The following TOX3 variants were observed in gnomAD, a reference collection of about 807,000 sequenced individuals.
The protein encoded by TOX3 is TOX high mobility group box family member 3, also known as CAG trinucleotide repeat-containing gene F9 protein.
In TOX3, 22 loss-of-function variants were observed where a neutral mutation model predicts 64.3. The ratio of observed to expected loss-of-function variants is 0.34; its 90% CI spans 0.24 to 0.49. The LOEUF is 0.49. TOX3 is among the 20% of genes least tolerant of loss of function. TOX3 has a pLI of 0.99. For missense variants in TOX3, 661 were observed against 714.4 expected (o/e 0.93, Z 0.85); for synonymous variants, 291 against 273.6 (o/e 1.06, Z -0.63).
chr16:52,528,416 T>A (rs1962773513), intron 1 of TOX3, among the ~76,000 whole-genome samples: 1 of 152,004 alleles, frequency 6.6e-6, no homozygotes, highest in Non-Finnish European at 1.5e-5. Context: ...CTGTTTTTTT[T>A]TTCACCACCA....
intron 1 of TOX3, among the ~76,000 whole-genome samples, chr16:52,470,985 A>G (rs1961025841): frequency 6.6e-6 from 1 of 152,162 alleles, no homozygotes. Flanking sequence ...GGCTTTAAAT[A>G]TTGACTTGTT....
chr16:52,490,865 G>T (rs1357932774), intron 1 of TOX3, among the ~76,000 whole-genome samples: 2 of 151,886 alleles, frequency 1.3e-5, no homozygotes, highest in Non-Finnish European at 2.9e-5. Flanking sequence ...CTGGGCTCAA[G>T]CGATCCACCC....
chr16:52,484,596 G>T (rs1390602584), intron 1 of TOX3, among the ~76,000 whole-genome samples: 1 of 151,928 alleles, frequency 6.6e-6, no homozygotes, highest in African/African-American at 2.4e-5. Flanking sequence ...AATATATTCT[G>T]ATTAACTCCT....
chr16:52,477,860 C>T (rs1293156673), intron 1 of TOX3, among the ~76,000 whole-genome samples: 1 of 152,098 alleles, frequency 6.6e-6, no homozygotes, highest in Non-Finnish European at 1.5e-5. Flanking sequence ...TTTTAAGAGA[C>T]AGAGTCTTGC....
At chr16:52,527,333 G>A (rs919963573) in intron 1 of TOX3, among the ~76,000 whole-genome samples, 4 of 152,028 alleles carry the variant, frequency 2.6e-5, no homozygotes, top group African/African-American at 7.2e-5. Flanking sequence ...TAATATCATC[G>A]TTGCACAGAA....
chr16:52,470,590 A>C (rs1248515477), intron 1 of TOX3, among the ~76,000 whole-genome samples: 1 of 152,274 alleles, frequency 6.6e-6, no homozygotes, highest in Admixed American at 6.5e-5. Flanking sequence ...TCTTCTGAAC[A>C]GTTAGTATGC....
chr16:52,508,359 T>C (rs1220156209), intron 1 of TOX3, among the ~76,000 whole-genome samples: 1 of 152,124 alleles, frequency 6.6e-6, no homozygotes, highest in Non-Finnish European at 1.5e-5. Context: ...ACAGCGTGCA[T>C]ACACAAGGGT....
At chr16:52,508,452 G>A (rs912385320) in intron 1 of TOX3, among the ~76,000 whole-genome samples, 3 of 152,160 alleles carry the variant, frequency 2.0e-5, no homozygotes, top group African/African-American at 7.2e-5. Context: ...ATGGAATACT[G>A]TACAGTGGCA....
At chr16:52,466,056 G>A (rs545343114) in intron 2 of TOX3, among the ~76,000 whole-genome samples, 10 of 152,222 alleles carry the variant, frequency 6.6e-5, no homozygotes, top group South Asian at 6.2e-4. Context: ...TGCATTTGCC[G>A]TTATTTTGGC....
chr16:52,485,129 A>G (rs1434621874), intron 1 of TOX3, among the ~76,000 whole-genome samples: 2 of 129,552 alleles, frequency 1.5e-5, no homozygotes, highest in Non-Finnish European at 3.2e-5. Flanking sequence ...ATGTGTGTGT[A>G]TACATATGTG....
chr16:52,463,333 G>A (rs573558260), intron 3 of TOX3, among the ~76,000 whole-genome samples: 86 of 152,142 alleles, frequency 5.7e-4, no homozygotes, highest in Non-Finnish European at 1.1e-3. Context: ...AAGAAAAATA[G>A]AACCAAAATT....
intron 1 of TOX3, among the ~76,000 whole-genome samples, chr16:52,485,742 A>T (rs1038557409): frequency 3.3e-5 from 5 of 152,172 alleles, no homozygotes; most frequent in African/African-American, 4.8e-5. Flanking sequence ...CTCAGACCAG[A>T]TGAGAGATGA....
intron 3 of TOX3, among the ~76,000 whole-genome samples, chr16:52,452,959 A>G (rs1392547081): frequency 6.6e-6 from 1 of 152,110 alleles, no homozygotes; most frequent in Non-Finnish European, 1.5e-5. Context: ...GTGTCTTTCT[A>G]CAGATTGTGT....
chr16:52,464,563 A>G (rs1170404106), intron 2 of TOX3, among the ~76,000 whole-genome samples: 3 of 152,210 alleles, frequency 2.0e-5, no homozygotes, highest in African/African-American at 7.2e-5. Context: ...AATGCTGATG[A>G]TTTTGTGGCA....
intron 6 of TOX3, among the ~76,000 whole-genome samples, chr16:52,440,178 C>CT (rs1272391327): frequency 2.0e-5 from 3 of 152,046 alleles, no homozygotes; most frequent in Non-Finnish European, 4.4e-5. Flanking sequence ...GCTCTTGTGC[C>CT]TTTGCTTTGG....
intron 1 of TOX3, among the ~76,000 whole-genome samples, chr16:52,528,483 G>A (rs1962774716): frequency 6.6e-6 from 1 of 152,012 alleles, no homozygotes; most frequent in African/African-American, 2.4e-5. Context: ...ATGCTGAGAG[G>A]CTCAGGAACA....
At chr16:52,451,218 C>T (rs1242325789) in intron 3 of TOX3, among the ~76,000 whole-genome samples, 1 of 152,192 alleles carries the variant, frequency 6.6e-6, no homozygotes, top group African/African-American at 2.4e-5. Context: ...GGAAGTCATT[C>T]AATGTCTTTT....
intron 6 of TOX3, among the ~76,000 whole-genome samples, chr16:52,440,290 C>G (rs897289688): frequency 3.3e-5 from 5 of 152,162 alleles, no homozygotes; most frequent in African/African-American, 1.2e-4. Flanking sequence ...CCAATTACCC[C>G]CCTCAAGAGT....
upstream of TOX3, chr16:52,547,567 C>T (rs900398927): frequency 1.3e-5 from 2 of 152,456 alleles, no homozygotes; most frequent in African/African-American, 4.8e-5. Context: ...CCCATGACCC[C>T]CTTCCTTCTT....
Sources: gnomAD v4.1 joint callset for allele counts (sites outside exome capture counted in the v4.1 genomes callset) on GRCh38, gnomAD v4.1.1 for gene constraint, MANE v1.5 for transcripts, NCBI Gene and HGNC (gene_info 2026-07-23, HGNC 2026-07-21) for gene names.